The following ARHGAP25 variants were observed in gnomAD, a reference collection of about 807,000 sequenced individuals.
ARHGAP25 encodes Rho GTPase activating protein 25.
Under a neutral mutation model 71.0 loss-of-function variants are expected in ARHGAP25, and 34 were observed. That is an observed-to-expected ratio of 0.48 (90% CI 0.36 to 0.64). The LOEUF is 0.64. Ranked by LOEUF, ARHGAP25 falls within the 30% of genes least tolerant of loss-of-function variation. The probability of loss-of-function intolerance (pLI) is 0.00; values close to 1 mark genes in which losing one functional copy is unlikely to be tolerated. For missense variants in ARHGAP25, 706 were observed against 805.1 expected (o/e 0.88, Z 1.49); for synonymous variants, 282 against 296.5 (o/e 0.95, Z 0.50).
At chr2:68,757,410 G>A (rs1676549331) in intron 1 of ARHGAP25, among the ~76,000 whole-genome samples, 1 of 152,056 alleles carries the variant, frequency 6.6e-6, no homozygotes, top group African/African-American at 2.4e-5. Flanking sequence ...AACAGTGAGG[G>A]AAAACTGATT....
chr2:68,768,821 C>A (rs1677293741), intron 1 of ARHGAP25, among the ~76,000 whole-genome samples: 1 of 152,228 alleles, frequency 6.6e-6, no homozygotes, highest in Non-Finnish European at 1.5e-5. Flanking sequence ...ATGTCCAGAA[C>A]TGGACTCACC....
At chr2:68,804,738 A>G (rs930046971) in intron 4 of ARHGAP25, among the ~76,000 whole-genome samples, 23 of 152,372 alleles carry the variant, frequency 1.5e-4, no homozygotes, top group African/African-American at 5.5e-4. Flanking sequence ...TCATATATCA[A>G]GGAGATTCCT....
upstream of ARHGAP25, among the ~76,000 whole-genome samples, chr2:68,730,464 T>A (rs1052666770): frequency 6.6e-6 from 1 of 152,040 alleles, no homozygotes; most frequent in Non-Finnish European, 1.5e-5. Context: ...GGCAACATAG[T>A]GAGACCCCCA....
chr2:68,824,538 C>G lies in ARHGAP25; in HGVS notation c.1734-1449C>G, dbSNP rs199628509. Among the ~76,000 whole-genome samples the G allele has an allele frequency of 1.2e-4, 19 of 152,256 alleles. No individual in the cohort carries two copies. In the East Asian group the frequency reaches 2.3e-3, roughly 19 times the overall value. Reference sequence around the variant, plus strand: ...TGGGTGAATCACGAGGTCAGGAGATCGAGACCATCCTGGCTAACACGGTGA... The same window carrying G: ...TGGGTGAATCACGAGGTCAGGAGATGGAGACCATCCTGGCTAACACGGTGA... On this transcript the variant is annotated intron_variant, in intron 10 of 10. Coordinates refer to ENST00000409202, the MANE Select transcript of ARHGAP25 (RefSeq NM_001007231.3).
At chr2:68,790,679 A>T (rs986348637) in intron 4 of ARHGAP25, among the ~76,000 whole-genome samples, 3 of 152,148 alleles carry the variant, frequency 2.0e-5, no homozygotes, top group Non-Finnish European at 4.4e-5. Context: ...CCCAAAGGAG[A>T]TGGAATCCTT....
At chr2:68,804,355 C>T (rs1680210454) in intron 4 of ARHGAP25, among the ~76,000 whole-genome samples, 1 of 152,204 alleles carries the variant, frequency 6.6e-6, no homozygotes, top group East Asian at 1.9e-4. Context: ...GAGACATCTG[C>T]CTCTCTCATT....
intron 9 of ARHGAP25, chr2:68,819,673 A>G: frequency 1.8e-6 from 1 of 542,598 alleles, no homozygotes; most frequent in Non-Finnish European, 3.3e-6. Context: ...ATTGTTGAAA[A>G]TTCTGGGTGA....
intron 2 of ARHGAP25, among the ~76,000 whole-genome samples, chr2:68,724,815 G>C (rs1674846057): frequency 6.6e-6 from 1 of 152,158 alleles, no homozygotes; most frequent in Non-Finnish European, 1.5e-5. Flanking sequence ...GCTCGACCTT[G>C]TCATTTTTCC....
intron 2 of ARHGAP25, among the ~76,000 whole-genome samples, chr2:68,712,221 A>G (rs1173647124): frequency 6.6e-6 from 1 of 152,154 alleles, no homozygotes. Context: ...CTGGCGTGAG[A>G]TGGTATCTCA....
At chr2:68,780,544 G>A (rs531196082) in intron 2 of ARHGAP25, among the ~76,000 whole-genome samples, 3 of 152,200 alleles carry the variant, frequency 2.0e-5, no homozygotes, top group Admixed American at 2.0e-4. Flanking sequence ...GGAATGTAGA[G>A]GAATTGCAGA....
chr2:68,740,756 CTGAT>C, intron 1 of ARHGAP25, among the ~76,000 whole-genome samples: 1 of 152,338 alleles, frequency 6.6e-6, no homozygotes, highest in South Asian at 2.1e-4. Context: ...CCACAAGTAA[CTGAT>C]CCTTTGGCTT....
upstream of ARHGAP25, among the ~76,000 whole-genome samples, chr2:68,731,311 T>G (rs953163455): frequency 6.6e-6 from 1 of 152,142 alleles, no homozygotes; most frequent in Non-Finnish European, 1.5e-5. Flanking sequence ...AGTGACGAGC[T>G]GGGATCTTGG....
At chr2:68,735,351 A>G in intron 1 of ARHGAP25, 91 bp downstream of exon 1, 1 of 1,327,360 alleles carries the variant, frequency 7.5e-7, no homozygotes. Context: ...TAGTCTACTT[A>G]AAAATGGATC....
intron 1 of ARHGAP25, among the ~76,000 whole-genome samples, chr2:68,743,205 C>A (rs1156316889): frequency 6.6e-6 from 1 of 152,176 alleles, no homozygotes; most frequent in African/African-American, 2.4e-5. Context: ...TGACTTAGTG[C>A]TTCCTCCTCC....
chr2:68,807,388 T>A lies in ARHGAP25; in HGVS notation c.582T>A (p.Asn194Lys), dbSNP rs780837184. ...CAEFILEHGR[N>K]EEGIFRLPGQ... ...AGTTCATCCTGGAGCACGGCCGGAA[T>A]GAAGAGGGCATCTTCCGTCTGCCTG... Residue 194 changes from asparagine (N) to lysine (K), a missense_variant, in exon 5 of 11, where the codon AAT (asparagine) becomes AAA (lysine). Coordinates refer to ENST00000409202, the MANE Select transcript of ARHGAP25 (RefSeq NM_001007231.3). 6.2e-7 allele frequency: 1 copy of A among 1,614,214 alleles called. No homozygotes were observed. The highest frequency in any genetic ancestry group is 1.7e-5 in the Admixed American group (1 of 60,030).
intron 3 of ARHGAP25, among the ~76,000 whole-genome samples, chr2:68,785,314 C>G (rs1424677897): frequency 1.3e-5 from 2 of 152,110 alleles, no homozygotes; most frequent in African/African-American, 4.8e-5. Flanking sequence ...AAGGGCAGAA[C>G]AAGGAGATCA....
At chr2:68,822,943 C>T in intron 10 of ARHGAP25, 71 bp downstream of exon 10, 1 of 1,450,478 alleles carries the variant, frequency 6.9e-7, no homozygotes, top group Non-Finnish European at 9.2e-7. Flanking sequence ...TTGTTCCCAT[C>T]CGCCAGAGAA....
Position 68,718,765 on chromosome 2 carries a change from T to A in ARHGAP25, c.-18+8067T>A, listed in dbSNP as rs1319444331. Among the ~76,000 whole-genome samples, 9 of 152,282 alleles carry A rather than the reference T, an allele frequency of 5.9e-5. No individual in the cohort carries two copies. In the South Asian group the frequency reaches 1.9e-3, roughly 32 times the overall value. The stretch of plus-strand genomic sequence containing the variant: ...AGTTCCTGACACAGAGCTCTTAAAT[T>A]TCTTGGTATTTTCTGGGTGATAAGA... On this transcript the variant is annotated intron_variant and NMD_transcript_variant, in intron 2 of 7. Coordinates refer to the ARHGAP25 transcript ENST00000463483.
rs115257916 is a variant in ARHGAP25 at position 68,752,154 on chromosome 2, C to A, written c.61+16894C>A. Among the ~76,000 whole-genome samples, 1,113 of 152,248 alleles carry A rather than the reference C, an allele frequency of 7.3e-3. 11 individuals carry two copies. The highest frequency in any genetic ancestry group is 0.026 in the African/African-American group (1,069 of 41,506). On this transcript the variant is annotated intron_variant, in intron 1 of 10. Transcript: ENST00000409202. The stretch of plus-strand genomic sequence containing the variant: ...TCTTTAAAGCATAGAGGGCAGGCAG[C>A]AAAATTACCCTCCACGTCCTGACAT...
Sources: gnomAD v4.1 joint callset for allele counts (sites outside exome capture counted in the v4.1 genomes callset) on GRCh38, gnomAD v4.1.1 for gene constraint, MANE v1.5 for transcripts, NCBI Gene and HGNC (gene_info 2026-07-23, HGNC 2026-07-21) for gene names.